EIF4B: variants seen among roughly 807,000 people sequenced by gnomAD.
The protein encoded by EIF4B is eukaryotic translation initiation factor 4B.
EIF4B carries 8 observed loss-of-function variants against 79.3 expected under a neutral mutation model. The observed-to-expected ratio is 0.10, with a 90% CI of 0.06 to 0.18. The LOEUF is 0.18. Among genes scored for constraint, EIF4B ranks in the 10% least tolerant of loss-of-function variants. The pLI is 1.00. For synonymous variants in EIF4B, 238 were observed against 274.7 expected (o/e 0.87, Z 1.32); for missense variants, 515 against 792.4 (o/e 0.65, Z 4.20).
intron 13 of EIF4B, 98 bp from the exon 14 acceptor site, chr12:53,039,532 G>C: frequency 7.1e-7 from 1 of 1,399,712 alleles, no homozygotes; most frequent in South Asian, 1.2e-5. Context: ...CTGTTGACTA[G>C]AGGTGCCTGT....
At chr12:53,027,662 G>A in intron 6 of EIF4B, 120 bp from the exon 7 acceptor site, 1 of 1,432,382 alleles carries the variant, frequency 7.0e-7, no homozygotes, top group South Asian at 1.7e-5. Context: ...GAAACTTTTT[G>A]AAGAAATCAG....
chr12:53,007,394 G>C (rs1435523429), intron 1 of EIF4B, among the ~76,000 whole-genome samples: 2 of 142,688 alleles, frequency 1.4e-5, no homozygotes, highest in African/African-American at 5.2e-5. Flanking sequence ...GGTTGAATTT[G>C]GATAGCTCCA....
At chr12:53,025,638 A>G (rs1003829097) in intron 6 of EIF4B, among the ~76,000 whole-genome samples, 7 of 152,168 alleles carry the variant, frequency 4.6e-5, no homozygotes, top group African/African-American at 1.7e-4. Flanking sequence ...CAAAATAAAC[A>G]CAGGGCTGAT....
chr12:53,013,223 T>G (rs752397628), intron 1 of EIF4B, among the ~76,000 whole-genome samples: 4 of 152,172 alleles, frequency 2.6e-5, no homozygotes, highest in Admixed American at 6.5e-5. Context: ...TTATTCAGAT[T>G]GTTAATGTTC....
chr12:53,027,962 CT>C (rs59856997), intron 7 of EIF4B, 43 bp downstream of exon 7: 1,419,520 of 1,583,658 alleles, frequency 0.9, 641,523 homozygotes, highest in Non-Finnish European at 0.93. Flanking sequence ...GTAACTTTGC[CT>C]TTTTTTTTTC....
intron 2 of EIF4B, among the ~76,000 whole-genome samples, chr12:53,017,607 T>A (rs933749295): frequency 6.6e-5 from 10 of 151,998 alleles, no homozygotes; most frequent in African/African-American, 2.2e-4. Flanking sequence ...AAACAGGAAA[T>A]TTTTTTTGAG....
At chr12:53,025,867 G>A (rs1437982766) in intron 6 of EIF4B, among the ~76,000 whole-genome samples, 2 of 152,140 alleles carry the variant, frequency 1.3e-5, no homozygotes, top group African/African-American at 4.8e-5. Context: ...CAGCACTTTG[G>A]GAGGCGGAGG....
intron 9 of EIF4B, 109 bp downstream of exon 9, chr12:53,034,143 GT>G (rs984865784): frequency 1.8e-6 from 2 of 1,104,782 alleles, no homozygotes; most frequent in African/African-American, 3.1e-5. Context: ...ATTAGTGGTT[GT>G]CACTGATGGG....
At chr12:53,036,469 C>T (rs532869070) in intron 10 of EIF4B, among the ~76,000 whole-genome samples, 3 of 151,140 alleles carry the variant, frequency 2.0e-5, no homozygotes, top group East Asian at 2.0e-4. Flanking sequence ...TGCAGTGGTG[C>T]GATCATAGCT....
At chr12:53,013,133 C>T (rs1439921346) in intron 1 of EIF4B, among the ~76,000 whole-genome samples, 3 of 152,120 alleles carry the variant, frequency 2.0e-5, no homozygotes, top group African/African-American at 7.2e-5. Flanking sequence ...TAAGCCAAAT[C>T]GGACTAAAGG....
chr12:53,014,412 CAAAAA>C (rs367885369), intron 1 of EIF4B, among the ~76,000 whole-genome samples: 56 of 64,168 alleles, frequency 8.7e-4, no homozygotes, highest in African/African-American at 2.9e-3. Flanking sequence ...GACTCCGTCT[CAAAAA>C]AAAAAAAAAA....
intron 6 of EIF4B, among the ~76,000 whole-genome samples, chr12:53,026,382 G>A (rs1043294100): frequency 3.3e-5 from 5 of 152,114 alleles, no homozygotes; most frequent in African/African-American, 1.2e-4. Context: ...CTAGTATTTA[G>A]GGTCCTCTGA....
In EIF4B at chr12:53,042,061, A is replaced by G. The variant is rs1943649638; in HGVS notation, c.*1838A>G. 1 of 152,606 alleles carries G rather than the reference A, an allele frequency of 6.6e-6. No individual in the cohort carries two copies. The highest frequency in any genetic ancestry group is 2.1e-4 in the South Asian group (1 of 4,832). 9.5% of individuals were successfully genotyped at this position (152,606 alleles called of 1,614,324 possible). ...GGATTGATTAATGTCCCGCTCCTGA[A>G]TACATGTAAAATTTGTACAAAAATA... On this transcript the variant is annotated 3_prime_UTR_variant, in exon 15 of 15. Coordinates refer to ENST00000262056, the MANE Select transcript of EIF4B (RefSeq NM_001417.7).
At chr12:53,020,903 G>A (rs1943237493) in intron 4 of EIF4B, among the ~76,000 whole-genome samples, 1 of 152,040 alleles carries the variant, frequency 6.6e-6, no homozygotes, top group African/African-American at 2.4e-5. Flanking sequence ...ACTTTACTCA[G>A]TCTGGATAAG....
At chr12:53,022,444 C>G in intron 5 of EIF4B, 49 bp from the exon 6 acceptor site, 1 of 1,602,334 alleles carries the variant, frequency 6.2e-7, no homozygotes. Context: ...AAATATTGGG[C>G]AAAGTTTTTA....
At chr12:53,034,836 A>T (rs758270403) in intron 10 of EIF4B, 127 bp downstream of exon 10, 1 of 984,222 alleles carries the variant, frequency 1.0e-6, no homozygotes, top group Non-Finnish European at 1.5e-6. Context: ...GCATGGGCCG[A>T]TTGGAGTTTC....
At chr12:53,022,444 C>A in intron 5 of EIF4B, 49 bp from the exon 6 acceptor site, 3 of 1,602,332 alleles carry the variant, frequency 1.9e-6, no homozygotes, top group Non-Finnish European at 2.6e-6. Flanking sequence ...AAATATTGGG[C>A]AAAGTTTTTA....
chr12:53,026,354 G>A (rs894742232), intron 6 of EIF4B, among the ~76,000 whole-genome samples: 9 of 152,150 alleles, frequency 5.9e-5, no homozygotes, highest in South Asian at 2.1e-4. Context: ...GAGCTACTAC[G>A]TTTCTTTATA....
At chr12:53,039,193 A>G in intron 12 of EIF4B, 45 bp from the exon 13 acceptor site, 1 of 1,367,820 alleles carries the variant, frequency 7.3e-7, no homozygotes, top group Non-Finnish European at 1.0e-6. Context: ...AGGGACATTG[A>G]TACTTTTACT....
Sources: allele counts gnomAD v4.1 joint callset (sites outside exome capture counted in the v4.1 genomes callset), GRCh38; gene constraint gnomAD v4.1.1; transcripts MANE v1.5; gene names NCBI Gene and HGNC (gene_info 2026-07-23, HGNC 2026-07-21).